COQ9: variants seen among roughly 807,000 people sequenced by gnomAD.
COQ9 encodes coenzyme Q9.
A neutral mutation model predicts 42.4 loss-of-function variants in COQ9; 35 were observed. The observed-to-expected ratio is 0.83, with a 90% CI of 0.63 to 1.10. The LOEUF (loss-of-function observed/expected upper bound fraction) is 1.10, where lower values mean the gene tolerates loss of function less well. Among genes scored for constraint, COQ9 ranks in the 50% least tolerant of loss-of-function variants. The probability of loss-of-function intolerance (pLI) is 0.00; values close to 1 mark genes in which losing one functional copy is unlikely to be tolerated. For missense variants in COQ9, 406 were observed against 414.6 expected (o/e 0.98, Z 0.18); for synonymous variants, 155 against 155.1 (o/e 1.00, Z 0.00).
At chr16:57,447,730 C>G in intron 1 of COQ9, 152 bp downstream of exon 1, 1 of 573,912 alleles carries the variant, frequency 1.7e-6, no homozygotes, top group Non-Finnish European at 2.6e-6. Flanking sequence ...GGGCGAGCCG[C>G]CTGGCTAGCT....
In COQ9 at chr16:57,452,951, G is replaced by C. The variant is rs557821647; in HGVS notation, c.378+15G>C. On this transcript the variant is annotated intron_variant, in intron 3 of 8. Coordinates refer to ENST00000262507, the MANE Select transcript of COQ9 (RefSeq NM_020312.4). ...AAGGAGCCCAGGTGTGTATAGGTGA[G>C]GGTGGGGCCACCTAACCAAGATGAG... 1 of 1,613,116 alleles carries C rather than the reference G, an allele frequency of 6.2e-7. No individual in the cohort carries two copies. The highest frequency in any genetic ancestry group is 2.2e-5 in the East Asian group (1 of 44,874).
intron 8 of COQ9, 30 bp from the exon 9 acceptor site, chr16:57,460,559 C>T (rs2030512093): frequency 1.9e-6 from 3 of 1,611,778 alleles, no homozygotes; most frequent in African/African-American, 1.3e-5. Context: ...TAAGCCCTCA[C>T]TATTCTCTTT....
At position 57,452,916 on chromosome 16, in the gene COQ9, G is replaced by C. The variant is rs753689710; in HGVS notation, c.358G>C (p.Ala120Pro). ...FVPAHGWTAE[A>P]IAEGAQSLGL... ...GCCCGCCCACGGGTGGACAGCAGAG[G>C]CGATTGCAGAAGGAGCCCAGGTGTG... The change falls in exon 3 of 9, where the codon GCG becomes CCG. Residue 120 changes from alanine (A) to proline (P), a missense_variant. Transcript: ENST00000262507. The C allele has an allele frequency of 1.9e-6, 3 of 1,613,762 alleles. No individual in the cohort carries two copies. Among genetic ancestry groups the C allele is most frequent in the Non-Finnish European group, 2.5e-6 (3 of 1,179,946 alleles).
In COQ9 at chr16:57,460,979, A is replaced by G; in HGVS notation, c.*355A>G. 5.5e-6 allele frequency: 2 copies of G among 365,528 alleles called. No homozygotes were observed. Among genetic ancestry groups the G allele is most frequent in the Middle Eastern group, 1.9e-3 (2 of 1,038 alleles). The allele number at this position is 365,528 out of a possible 1,614,324, so 22.6% of individuals were successfully genotyped here. ...CTTGATCATGTCTTAACCTTCCCTTAACCTTGGGGCTCCCAAGCCAGAGTC... is the reference window on the plus strand; with the variant it reads ...CTTGATCATGTCTTAACCTTCCCTTGACCTTGGGGCTCCCAAGCCAGAGTC... On this transcript the variant is annotated 3_prime_UTR_variant, in exon 9 of 9. Transcript: ENST00000262507.
chr16:57,456,437 T>G, intron 3 of COQ9, 67 bp from the exon 4 acceptor site: 1 of 1,568,134 alleles, frequency 6.4e-7, no homozygotes, highest in Admixed American at 1.7e-5. Context: ...GCTCTAGTGA[T>G]GAACAGGCAA....
chr16:57,448,433 TTTG>T lies in COQ9; in HGVS notation c.73+862_73+864del, dbSNP rs1287742915. 2.0e-5 allele frequency among the ~76,000 whole-genome samples: 3 copies of T among 151,978 alleles called. 1 individual carries two copies. Among genetic ancestry groups the T allele is most frequent in the South Asian group, 4.2e-4 (2 of 4,796 alleles). Reference sequence around the variant, plus strand: ...TGCGTGCCACCCTACTTGGCTTAATTTTGTTGTTGAGACAGAGTCTCACTCTGT... The same window carrying T: ...TGCGTGCCACCCTACTTGGCTTAATTTTGTTGAGACAGAGTCTCACTCTGT... On this transcript the variant is annotated intron_variant, in intron 1 of 8. Coordinates refer to ENST00000262507, the MANE Select transcript of COQ9 (RefSeq NM_020312.4).
chr16:57,457,070 C>A (rs1309372339), intron 5 of COQ9, 55 bp downstream of exon 5: 16 of 1,330,952 alleles, frequency 1.2e-5, no homozygotes, highest in Non-Finnish European at 1.6e-5. Flanking sequence ...ATTTATCATT[C>A]TCAGCACCTT....
chr16:57,450,743 G>A, intron 1 of COQ9: 2 of 458,002 alleles, frequency 4.4e-6, no homozygotes, highest in Non-Finnish European at 4.0e-6. Context: ...CTCTAAATTT[G>A]CAGATTTAAA....
At chr16:57,459,778 G>T (rs1272130330) in intron 7 of COQ9, 58 bp downstream of exon 7, 13 of 1,587,674 alleles carry the variant, frequency 8.2e-6, no homozygotes, top group Non-Finnish European at 1.1e-5. Context: ...ATTCTCCTCA[G>T]GTCACAGCTG....
chr16:57,457,833 C>T (rs1285299724), intron 5 of COQ9, among the ~76,000 whole-genome samples: 2 of 152,200 alleles, frequency 1.3e-5, no homozygotes, highest in Non-Finnish European at 2.9e-5. Flanking sequence ...ATCACCTCCC[C>T]AGTGGATGTA....
At chr16:57,460,411 G>A (rs1446847155) in intron 8 of COQ9, among the ~76,000 whole-genome samples, 178 bp from the exon 9 acceptor site, 2 of 151,756 alleles carry the variant, frequency 1.3e-5, no homozygotes, top group African/African-American at 4.8e-5. Context: ...TCATCTCAGC[G>A]ATTTGGGAAG....
At chr16:57,459,930 C>T in intron 7 of COQ9, 121 bp from the exon 8 acceptor site, 1 of 1,039,590 alleles carries the variant, frequency 9.6e-7, no homozygotes, top group Admixed American at 1.9e-5. Context: ...GCTCTCCTTC[C>T]AGTAACGTGG....
intron 6 of COQ9, 111 bp from the exon 7 acceptor site, chr16:57,459,454 C>T (rs1305239202): frequency 9.7e-7 from 1 of 1,035,842 alleles, no homozygotes; most frequent in Non-Finnish European, 1.5e-6. Flanking sequence ...CCAGATGTAT[C>T]TGTGACAGTC....
At position 57,451,130 on chromosome 16, in the gene COQ9, C is replaced by T. The variant is rs1296776586; in HGVS notation, c.164C>T (p.Pro55Leu). Residue 55 changes from proline to leucine, a missense_variant, in exon 2 of 9, where the codon CCC becomes CTC. Physicochemically the swap from Pro to Leu is moderately conservative, Grantham distance 98. Transcript: ENST00000262507. Reference sequence around the variant, plus strand: ...TCAGATGAGCAGAAGCAGCAGCCTCCCAACTCATTTTCTCAGCAGCATTCT... The same window carrying T: ...TCAGATGAGCAGAAGCAGCAGCCTCTCAACTCATTTTCTCAGCAGCATTCT... ...RSSDEQKQQP[P>L]NSFSQQHSET... 4 of 1,614,040 alleles carry T rather than the reference C, an allele frequency of 2.5e-6. No individual in the cohort carries two copies. In the African/African-American group the frequency reaches 5.3e-5, roughly 22 times the overall value.
intron 5 of COQ9, chr16:57,457,287 G>A: frequency 1.9e-6 from 1 of 522,458 alleles, no homozygotes; most frequent in Non-Finnish European, 3.6e-6. Context: ...TGGTCTGAGT[G>A]TGCCACCAGG....
chr16:57,461,123 G>C lies in COQ9; in HGVS notation c.*499G>C, dbSNP rs2030527462. 2.2e-6 allele frequency: 1 copy of C among 454,906 alleles called. No homozygotes were observed. The highest frequency in any genetic ancestry group is 2.4e-5 in the Admixed American group (1 of 42,532). 28.2% of individuals were successfully genotyped at this position (454,906 alleles called of 1,614,324 possible). A position where few individuals can be genotyped will look rare whatever the true frequency, so the allele number is the denominator to read the frequency against. ...GTGTCCTGAGATGCTGTTCCTGGGA[G>C]CCCCCTCAGAAAACTGCCTCACCTG... On this transcript the variant is annotated 3_prime_UTR_variant, in exon 9 of 9. Transcript: ENST00000262507.
In COQ9 at chr16:57,460,522, CT is replaced by C. The variant is rs2030510707; in HGVS notation, c.922-63del. The C allele has an allele frequency of 6.1e-6, 9 of 1,465,028 alleles. No homozygotes were observed. The East Asian group carries it at 2.0e-4, about 33-fold the overall frequency. 90.8% of individuals were successfully genotyped at this position (1,465,028 alleles called of 1,614,324 possible). ...AAAAAGAGAAAAAGAAAAGCTAGGTCTTTTCTATTAGAGTCTAGAGGCAAGG... is the reference window on the plus strand; with the variant it reads ...AAAAAGAGAAAAAGAAAAGCTAGGTCTTTCTATTAGAGTCTAGAGGCAAGG... On this transcript the variant is annotated intron_variant, in intron 8 of 8. Transcript: ENST00000262507.
chr16:57,457,137 C>T (rs764820700), intron 5 of COQ9, 122 bp downstream of exon 5: 1 of 799,788 alleles, frequency 1.3e-6, no homozygotes, highest in Non-Finnish European at 2.2e-6. Context: ...TCTATAAACC[C>T]GACAATACTT....
rs777696793 is a variant in COQ9 at position 57,456,966 on chromosome 16, T to C, written c.557T>C (p.Val186Ala). 1.9e-6 allele frequency: 3 copies of C among 1,613,992 alleles called. No homozygotes were observed. In the East Asian group the frequency reaches 6.7e-5, roughly 36 times the overall value. ...RKTDQFLRDA[V>A]ETRLRMLIPY... is the part of the protein sequence containing the mutation. ...ACAGACCAGTTCCTGAGGGATGCAG[T>C]GGAAACCAGACTGAGAATGCTGATC... Residue 186 changes from valine (V) to alanine (A), a missense_variant, in exon 5 of 9, where the codon GTG (valine) becomes GCG (alanine). Val to Ala is a moderately conservative substitution (Grantham distance 64, BLOSUM62 0). Transcript: ENST00000262507.
Sources: gnomAD v4.1 joint callset for allele counts (sites outside exome capture counted in the v4.1 genomes callset) on GRCh38, gnomAD v4.1.1 for gene constraint, MANE v1.5 for transcripts, NCBI Gene and HGNC (gene_info 2026-07-23, HGNC 2026-07-21) for gene names.